ABLIM3: variants seen among roughly 807,000 people sequenced by gnomAD.
ABLIM3 encodes the protein actin-binding LIM protein 3.
In ABLIM3, 61 loss-of-function variants were observed where a neutral mutation model predicts 109.5. The ratio of observed to expected loss-of-function variants is 0.56; its 90% confidence interval spans 0.45 to 0.69. The LOEUF is 0.69. Ranked by LOEUF, ABLIM3 falls within the 30% of genes least tolerant of loss-of-function variation. The probability of loss-of-function intolerance (pLI) is 0.00; values close to 1 mark genes in which losing one functional copy is unlikely to be tolerated. For synonymous variants in ABLIM3, 300 were observed against 324.8 expected (o/e 0.92, Z 0.82); for missense variants, 796 against 889.5 (o/e 0.89, Z 1.34).
chr5:149,174,280 A>C (rs1755728998), intron 2 of ABLIM3, among the ~76,000 whole-genome samples: 1 of 152,138 alleles, frequency 6.6e-6, no homozygotes, highest in African/African-American at 2.4e-5. Context: ...TTTAAAAAAA[A>C]AAAAAAGTTT....
At chr5:149,202,983 C>T (rs1303799586) in intron 5 of ABLIM3, among the ~76,000 whole-genome samples, 1 of 151,982 alleles carries the variant, frequency 6.6e-6, no homozygotes, top group East Asian at 1.9e-4. Context: ...CCGCCATCAC[C>T]ATCTTATCAC....
intron 16 of ABLIM3, among the ~76,000 whole-genome samples, chr5:149,246,148 G>A (rs1229010404): frequency 2.0e-5 from 3 of 152,156 alleles, no homozygotes. Flanking sequence ...GGGTGAGAGT[G>A]AGCCCCTGTC....
chr5:149,143,168 GC>G (rs1429474941), intron 2 of ABLIM3, among the ~76,000 whole-genome samples: 1 of 151,910 alleles, frequency 6.6e-6, no homozygotes, highest in Non-Finnish European at 1.5e-5. Context: ...TTCGAGACCA[GC>G]CTGACCAACA....
chr5:149,235,539 A>G (rs535724729), intron 10 of ABLIM3, among the ~76,000 whole-genome samples: 10 of 152,180 alleles, frequency 6.6e-5, no homozygotes, highest in Non-Finnish European at 1.5e-4. Context: ...CCCTGTAAAC[A>G]AAGTGGCTAT....
At position 149,259,660 on chromosome 5, in the gene ABLIM3, A is replaced by T; in HGVS notation, c.*1256A>T. 2 of 1,405,208 alleles carry T rather than the reference A, an allele frequency of 1.4e-6. No individual in the cohort carries two copies. Among genetic ancestry groups the T allele is most frequent in the South Asian group, 1.2e-5 (1 of 81,366 alleles). The allele number at this position is 1,405,208 out of a possible 1,614,324, so 87.0% of individuals were successfully genotyped here. A position where few individuals can be genotyped will look rare whatever the true frequency, so the allele number is the denominator to read the frequency against. On this transcript the variant is annotated 3_prime_UTR_variant, in exon 24 of 24. Coordinates refer to ENST00000309868, the MANE Select transcript of ABLIM3 (RefSeq NM_014945.5). The stretch of plus-strand genomic sequence containing the variant: ...CTTCCCTTCCTGCTCGCCTCCCTGA[A>T]CAGGGGAGAAAGCTTAACCTCTCTT...
At chr5:149,164,798 T>C (rs1754680464) in intron 2 of ABLIM3, among the ~76,000 whole-genome samples, 1 of 152,080 alleles carries the variant, frequency 6.6e-6, no homozygotes, top group Non-Finnish European at 1.5e-5. Context: ...GAGGAGTGGG[T>C]AGGATTTTTA....
chr5:149,250,260 G>C (rs1192181063), intron 19 of ABLIM3, among the ~76,000 whole-genome samples, 187 bp from the exon 20 acceptor site: 3 of 152,174 alleles, frequency 2.0e-5, no homozygotes, highest in African/African-American at 7.2e-5. Context: ...AATTCTGCTA[G>C]AGTGAAATGC....
At position 149,208,134 on chromosome 5, in the gene ABLIM3, G is replaced by A. The variant is rs928890070; in HGVS notation, c.575+1000G>A. ...AGAATTATGACACCAGGAAATGTGT[G>A]ATCAGGAGCCCAGACAAGCTTTATT... On this transcript the variant is annotated intron_variant, in intron 6 of 23. Transcript: ENST00000309868. Among the ~76,000 whole-genome samples the A allele has an allele frequency of 2.0e-5, 3 of 152,226 alleles. 1 individual carries two copies. Among genetic ancestry groups the A allele is most frequent in the Admixed American group, 2.0e-4 (3 of 15,286 alleles).
At chr5:149,251,281 T>C (rs1753896206) in intron 20 of ABLIM3, 78 bp from the exon 21 acceptor site, 1 of 1,556,670 alleles carries the variant, frequency 6.4e-7, no homozygotes. Flanking sequence ...CCAGTCCATT[T>C]TCTGGAGGTG....
intron 22 of ABLIM3, 129 bp downstream of exon 22, chr5:149,252,337 T>C: frequency 9.8e-7 from 1 of 1,023,176 alleles, no homozygotes; most frequent in Non-Finnish European, 1.4e-6. Flanking sequence ...AGGGGTCCTT[T>C]CAAGACCAAC....
intron 3 of ABLIM3, among the ~76,000 whole-genome samples, chr5:149,193,677 G>A (rs1757708077): frequency 6.6e-6 from 1 of 152,162 alleles, no homozygotes; most frequent in Non-Finnish European, 1.5e-5. Flanking sequence ...AACAAAGCAA[G>A]AGGGCCTGTC....
intron 8 of ABLIM3, among the ~76,000 whole-genome samples, chr5:149,225,984 A>G (rs201499939): frequency 0.042 from 252 of 6,000 alleles, no homozygotes; most frequent in East Asian, 0.09. Context: ...GTGTGTGTGT[A>G]TATATATATA....
chr5:149,153,769 T>G (rs1753642411), intron 2 of ABLIM3, among the ~76,000 whole-genome samples: 1 of 152,178 alleles, frequency 6.6e-6, no homozygotes, highest in Non-Finnish European at 1.5e-5. Flanking sequence ...CTCAGTGATT[T>G]CAGATTAGGT....
intron 2 of ABLIM3, among the ~76,000 whole-genome samples, chr5:149,175,894 G>GGCAGCACGAGCCGTGTTGCCA (rs1472914749): frequency 1.8e-4 from 27 of 152,198 alleles, no homozygotes; most frequent in Admixed American, 6.5e-5. Flanking sequence ...TTCTGAAGAA[G>GGCAGCACGAGCCGTGTTGCCA]GCAGCACGAG....
At chr5:149,183,628 T>C in intron 3 of ABLIM3, 39 bp downstream of exon 3, 1 of 1,492,512 alleles carries the variant, frequency 6.7e-7, no homozygotes. Context: ...CTTAGATTCC[T>C]GACCATTCTT....
At chr5:149,203,238 C>T (rs578131872) in intron 5 of ABLIM3, among the ~76,000 whole-genome samples, 112 of 152,052 alleles carry the variant, frequency 7.4e-4, no homozygotes, top group African/African-American at 2.6e-3. Context: ...TCAGTGCCAC[C>T]ACCATCATCA....
At chr5:149,230,831 T>G in intron 9 of ABLIM3, 124 bp downstream of exon 9, 1 of 1,118,164 alleles carries the variant, frequency 8.9e-7, no homozygotes, top group Non-Finnish European at 1.3e-6. Context: ...AATGTGTGCC[T>G]ATGTCCTTGG....
chr5:149,220,771 C>T, intron 8 of ABLIM3: 1 of 152,220 alleles, frequency 6.6e-6, no homozygotes, highest in East Asian at 1.9e-4. Flanking sequence ...TGAGAAGTGG[C>T]TTCCTTCTCT....
chr5:149,217,272 C>T, intron 8 of ABLIM3: 1 of 575,928 alleles, frequency 1.7e-6, no homozygotes, highest in Non-Finnish European at 3.1e-6. Flanking sequence ...CTGTGCACCT[C>T]CACCCGCTGC....
Sources: gnomAD v4.1 joint callset for allele counts (sites outside exome capture counted in the v4.1 genomes callset) on GRCh38, gnomAD v4.1.1 for gene constraint, MANE v1.5 for transcripts, NCBI Gene and HGNC (gene_info 2026-07-23, HGNC 2026-07-21) for gene names.